XRRA1: variants seen among roughly 807,000 people sequenced by gnomAD.
The protein encoded by XRRA1 is X-ray radiation resistance-associated protein 1.
In XRRA1, 69 loss-of-function variants were observed where a neutral mutation model predicts 80.2. That is an observed-to-expected ratio of 0.86 (90% CI 0.71 to 1.05). The LOEUF is 1.05. Ranked by LOEUF, XRRA1 falls within the 50% of genes least tolerant of loss-of-function variation. The probability of loss-of-function intolerance (pLI) is 0.00; values close to 1 mark genes in which losing one functional copy is unlikely to be tolerated. For synonymous variants in XRRA1, 348 were observed against 389.9 expected, an observed-to-expected ratio of 0.89 and a Z score of 1.27; for missense variants, 967 against 976.4, an observed-to-expected ratio of 0.99 and a Z score of 0.13.
intron 5 of XRRA1, among the ~76,000 whole-genome samples, chr11:74,930,942 C>T (rs1943395913): frequency 6.6e-6 from 1 of 151,948 alleles, no homozygotes; most frequent in South Asian, 2.1e-4. Context: ...GTATCTAGGA[C>T]TGCAGGCACA....
At chr11:74,873,428 G>C (rs748083678) in intron 10 of XRRA1, among the ~76,000 whole-genome samples, 1 of 152,182 alleles carries the variant, frequency 6.6e-6, no homozygotes, top group Admixed American at 6.5e-5. Context: ...TTCAGTCCTA[G>C]ATCTAAAGGA....
intron 10 of XRRA1, among the ~76,000 whole-genome samples, chr11:74,900,411 C>G (rs1214622545): frequency 6.6e-6 from 1 of 151,382 alleles, no homozygotes; most frequent in Non-Finnish European, 1.5e-5. Flanking sequence ...GGAGAAACCC[C>G]ATGTCTACTG....
chr11:74,883,266 CT>C (rs2048172343), intron 10 of XRRA1, among the ~76,000 whole-genome samples: 1 of 152,228 alleles, frequency 6.6e-6, no homozygotes, highest in Non-Finnish European at 1.5e-5. Flanking sequence ...TGGGAGTGAC[CT>C]GATTTTCCAG....
At chr11:74,897,943 A>G (rs1441680119) in intron 10 of XRRA1, among the ~76,000 whole-genome samples, 1 of 152,178 alleles carries the variant, frequency 6.6e-6, no homozygotes, top group Non-Finnish European at 1.5e-5. Flanking sequence ...TGGTAATACT[A>G]AGCACACAGA....
At chr11:74,853,716 A>G (rs559774497) in intron 12 of XRRA1, among the ~76,000 whole-genome samples, 24 of 152,360 alleles carry the variant, frequency 1.6e-4, no homozygotes, top group Non-Finnish European at 2.5e-4. Flanking sequence ...AGTTTGTTGC[A>G]GTAGCTAGTC....
Position 74,907,153 on chromosome 11 carries a change from C to T in XRRA1, c.777G>A (p.Gly259=). 6.2e-7 allele frequency: 1 copy of T among 1,613,690 alleles called. No individual in the cohort carries two copies. Residue 259 remains glycine (G), a synonymous_variant, in exon 9 of 19, where the codon GGG becomes GGA. Transcript: ENST00000684022. The stretch of plus-strand genomic sequence containing the variant: ...AAGGCTTATGGCTTTACCTCCTGAG[C>T]CCAGCCAGGCTGGCAAAGCAACTGG... The part of the protein sequence containing the change: ...SNPSCFASLA[G]LRRLKKLSLD...
chr11:74,899,975 C>A (rs1565361572), intron 10 of XRRA1, among the ~76,000 whole-genome samples: 1 of 151,964 alleles, frequency 6.6e-6, no homozygotes, highest in East Asian at 1.9e-4. Flanking sequence ...ACCAGCCTGG[C>A]CATCATGGTG....
chr11:74,844,983 C>A, intron 16 of XRRA1, 90 bp downstream of exon 16: 1 of 1,358,480 alleles, frequency 7.4e-7, no homozygotes, highest in Non-Finnish European at 1.0e-6. Flanking sequence ...TGGGAAAAGA[C>A]AGCTTGGTGC....
intron 8 of XRRA1, chr11:74,910,857 T>A (rs2055715347): frequency 6.6e-6 from 1 of 152,388 alleles, no homozygotes; most frequent in East Asian, 1.9e-4. Flanking sequence ...ATTGAATGTA[T>A]GTGTGGAATG....
chr11:74,938,338 A>C (rs1945526911), intron 3 of XRRA1, among the ~76,000 whole-genome samples: 1 of 152,190 alleles, frequency 6.6e-6, no homozygotes, highest in Admixed American at 6.5e-5. Flanking sequence ...TGGGGCATGA[A>C]CTTTGCTTCT....
chr11:74,935,382 C>A (rs1041849044), intron 4 of XRRA1, among the ~76,000 whole-genome samples: 1 of 152,126 alleles, frequency 6.6e-6, no homozygotes, highest in African/African-American at 2.4e-5. Context: ...ATTAATCTAC[C>A]CTAAACAATG....
intron 10 of XRRA1, among the ~76,000 whole-genome samples, chr11:74,871,266 A>T (rs1005838377): frequency 2.6e-5 from 4 of 152,178 alleles, no homozygotes; most frequent in African/African-American, 9.7e-5. Context: ...GCACCTTTTA[A>T]CAGATGCCGA....
At chr11:74,872,472 G>A (rs1207543384) in intron 10 of XRRA1, among the ~76,000 whole-genome samples, 1 of 152,194 alleles carries the variant, frequency 6.6e-6, no homozygotes, top group Non-Finnish European at 1.5e-5. Context: ...AAACGCGAGA[G>A]AAGGCAGAGG....
chr11:74,914,708 C>CT (rs67132744), intron 8 of XRRA1, among the ~76,000 whole-genome samples: 15,957 of 137,752 alleles, frequency 0.12, 1,333 homozygotes, highest in African/African-American at 0.23. Flanking sequence ...TGCAGATAAC[C>CT]TTTTTTTTTT....
In XRRA1 at chr11:74,862,744, A is replaced by G. The variant is rs1308466260; in HGVS notation, c.1044+237T>C. Among the ~76,000 whole-genome samples the G allele has an allele frequency of 3.3e-5, 5 of 152,212 alleles. No homozygotes were observed. The East Asian group carries it at 9.6e-4, about 29-fold the overall frequency. On this transcript the variant is annotated intron_variant, in intron 11 of 18. Transcript: ENST00000684022. ...GTTAGACTAGGCAGGTAAGGTCAAGACATGTCTGTCTGTGGCCAGCACAGG... is the reference window on the plus strand; with the variant it reads ...GTTAGACTAGGCAGGTAAGGTCAAGGCATGTCTGTCTGTGGCCAGCACAGG...
chr11:74,851,302 T>C (rs1328405792), intron 13 of XRRA1, 99 bp from the exon 14 acceptor site: 1 of 825,534 alleles, frequency 1.2e-6, no homozygotes, highest in Non-Finnish European at 1.8e-6. Flanking sequence ...CATGTATTAC[T>C]GAAACTTATT....
chr11:74,856,859 G>C (rs866757901), intron 12 of XRRA1, among the ~76,000 whole-genome samples: 35 of 152,096 alleles, frequency 2.3e-4, no homozygotes, highest in Admixed American at 2.2e-3. Context: ...GTCAGCTTGG[G>C]GCACTGCATC....
intron 1 of XRRA1, among the ~76,000 whole-genome samples, chr11:74,948,132 ATTTG>A (rs1246175182): frequency 6.6e-6 from 1 of 152,254 alleles, no homozygotes; most frequent in Non-Finnish European, 1.5e-5. Flanking sequence ...ACTCAAAAAT[ATTTG>A]TTTAATTCTT....
intron 14 of XRRA1, among the ~76,000 whole-genome samples, chr11:74,848,704 A>G (rs2038973534): frequency 6.6e-6 from 1 of 152,232 alleles, no homozygotes; most frequent in African/African-American, 2.4e-5. Context: ...AGATGAGGAA[A>G]CAGGGGCTTA....
Sources: allele counts gnomAD v4.1 joint callset (sites outside exome capture counted in the v4.1 genomes callset), GRCh38; gene constraint gnomAD v4.1.1; transcripts MANE v1.5; gene names NCBI Gene and HGNC (gene_info 2026-07-23, HGNC 2026-07-21).